The following TC2N variants were observed in gnomAD, a reference collection of about 807,000 sequenced individuals.
TC2N encodes the protein tandem C2 domains nuclear protein.
TC2N carries 51 observed loss-of-function variants against 61.9 expected under a neutral mutation model. The observed-to-expected ratio is 0.82, with a 90% CI of 0.66 to 1.04. The LOEUF is 1.04. TC2N is among the 50% of genes least tolerant of loss of function. The pLI, the probability that TC2N is intolerant of heterozygous loss-of-function variation, is 0.00. For synonymous variants in TC2N, 204 were observed against 192.6 expected, an observed-to-expected ratio of 1.06 and a Z score of -0.49; for missense variants, 556 against 566.7, an observed-to-expected ratio of 0.98 and a Z score of 0.19.
rs1470361634 is a variant in TC2N at position 91,806,945 on chromosome 14, G to A, written c.302-4524C>T. 3.9e-5 allele frequency among the ~76,000 whole-genome samples: 6 copies of A among 152,344 alleles called. No homozygotes were observed. The East Asian group carries it at 1.2e-3, about 29-fold the overall frequency. On this transcript the variant is annotated intron_variant, in intron 3 of 11. Transcript: ENST00000435962. Reference sequence around the variant, plus strand: ...CATGGGCCAGGCCCAGGGCCCCCCTGTTGTGTGCAGCCTAGGGACTTGGTG... The same window carrying A: ...CATGGGCCAGGCCCAGGGCCCCCCTATTGTGTGCAGCCTAGGGACTTGGTG...
chr14:91,851,996 A>G (rs977625158), intron 1 of TC2N, among the ~76,000 whole-genome samples: 15 of 152,266 alleles, frequency 9.9e-5, no homozygotes, highest in African/African-American at 3.6e-4. Flanking sequence ...AGATGGCCTT[A>G]GTTTTCAAGT....
chr14:91,851,439 T>C (rs1288195559), intron 1 of TC2N, among the ~76,000 whole-genome samples: 2 of 152,162 alleles, frequency 1.3e-5, no homozygotes, highest in Non-Finnish European at 2.9e-5. Flanking sequence ...CTCTGTGTGG[T>C]CTAAATAGAG....
At chr14:91,798,909 A>C (rs1886060455) in intron 6 of TC2N, 80 bp downstream of exon 6, 9 of 885,670 alleles carry the variant, frequency 1.0e-5, no homozygotes, top group Non-Finnish European at 1.6e-5. Context: ...AGAGTTTTTC[A>C]CCTTATATAC....
chr14:91,791,171 G>A (rs1350649221), intron 9 of TC2N, among the ~76,000 whole-genome samples: 5 of 61,618 alleles, frequency 8.1e-5, no homozygotes, highest in South Asian at 1.5e-3. Flanking sequence ...GGGAAGGGAA[G>A]GGAAAGGAGG....
At chr14:91,808,450 A>T (rs145839950) in intron 3 of TC2N, among the ~76,000 whole-genome samples, 1 of 152,198 alleles carries the variant, frequency 6.6e-6, no homozygotes, top group Non-Finnish European at 1.5e-5. Context: ...CTGTGCTTGC[A>T]ACACAATTTT....
chr14:91,818,525 T>C (rs1887104801), intron 1 of TC2N, among the ~76,000 whole-genome samples: 1 of 150,654 alleles, frequency 6.6e-6, no homozygotes, highest in Non-Finnish European at 1.5e-5. Flanking sequence ...AAGTACCAGG[T>C]ATACAAGGAA....
intron 3 of TC2N, among the ~76,000 whole-genome samples, chr14:91,810,682 GA>G (rs1173557983): frequency 6.6e-6 from 1 of 151,894 alleles, no homozygotes; most frequent in Non-Finnish European, 1.5e-5. Context: ...GTAAAAATAA[GA>G]AATTGCAGTA....
At chr14:91,825,376 A>G (rs1393449017) in intron 1 of TC2N, among the ~76,000 whole-genome samples, 1 of 151,998 alleles carries the variant, frequency 6.6e-6, no homozygotes, top group Non-Finnish European at 1.5e-5. Context: ...CAATTTGACT[A>G]TTTTGATTCA....
chr14:91,867,439 G>A lies in TC2N; in HGVS notation c.-234C>T, dbSNP rs541433491. 1 of 152,314 alleles carries A rather than the reference G, an allele frequency of 6.6e-6. No individual in the cohort carries two copies. Among genetic ancestry groups the A allele is most frequent in the East Asian group, 1.9e-4 (1 of 5,178 alleles). 9.4% of individuals were successfully genotyped at this position (152,314 alleles called of 1,614,324 possible). A position where few individuals can be genotyped will look rare whatever the true frequency, so the allele number is the denominator to read the frequency against. Reference sequence around the variant, plus strand: ...TGCTTTTCGGAGCCGAGCTGAGTGAGTCCCAAGGGAATCACCCTCTGTTTT... The same window carrying A: ...TGCTTTTCGGAGCCGAGCTGAGTGAATCCCAAGGGAATCACCCTCTGTTTT... On this transcript the variant is annotated 5_prime_UTR_variant, in exon 1 of 12. Coordinates refer to ENST00000435962, the MANE Select transcript of TC2N (RefSeq NM_001128596.3).
intron 1 of TC2N, among the ~76,000 whole-genome samples, chr14:91,822,899 T>C (rs1219581301): frequency 6.6e-6 from 1 of 151,618 alleles, no homozygotes; most frequent in East Asian, 2.0e-4. Flanking sequence ...TATTTTTTAG[T>C]AGAGACGGGG....
At chr14:91,809,350 G>A (rs887147441) in intron 3 of TC2N, among the ~76,000 whole-genome samples, 2 of 152,132 alleles carry the variant, frequency 1.3e-5, no homozygotes, top group Non-Finnish European at 2.9e-5. Context: ...GGAGGCTGCA[G>A]TAAGCCAAAA....
At chr14:91,863,798 C>G (rs917535758) in intron 1 of TC2N, among the ~76,000 whole-genome samples, 1 of 74,830 alleles carries the variant, frequency 1.3e-5, no homozygotes, top group Non-Finnish European at 2.5e-5. Flanking sequence ...TCAGCCTGGG[C>G]AAAAAAGCGA....
intron 3 of TC2N, among the ~76,000 whole-genome samples, chr14:91,803,300 A>G (rs919696237): frequency 2.0e-5 from 3 of 151,926 alleles, no homozygotes; most frequent in Non-Finnish European, 4.4e-5. Context: ...GTTAACTGAT[A>G]AGAAAGTTTT....
At chr14:91,816,820 A>C (rs1402572882) in intron 1 of TC2N, among the ~76,000 whole-genome samples, 1 of 151,786 alleles carries the variant, frequency 6.6e-6, no homozygotes, top group Non-Finnish European at 1.5e-5. Flanking sequence ...GTACACATTA[A>C]ATTTCCATAT....
Position 91,782,926 on chromosome 14 carries a change from T to C in TC2N, c.*174A>G, listed in dbSNP as rs1224293058. The C allele has an allele frequency of 4.0e-6, 2 of 504,198 alleles. No individual in the cohort carries two copies. The highest frequency in any genetic ancestry group is 3.5e-6 in the Non-Finnish European group (1 of 286,108). 31.2% of individuals were successfully genotyped at this position (504,198 alleles called of 1,614,324 possible). A position where few individuals can be genotyped will look rare whatever the true frequency, so the allele number is the denominator to read the frequency against. On this transcript the variant is annotated 3_prime_UTR_variant, in exon 12 of 12. Transcript: ENST00000435962. ...CATTTCCTTTACTTTGGATATCTGA[T>C]AAAATTCATTACATTTTCTTATCAA...
intron 3 of TC2N, among the ~76,000 whole-genome samples, chr14:91,805,580 G>A (rs532612287): frequency 8.4e-4 from 128 of 152,108 alleles, no homozygotes; most frequent in South Asian, 2.9e-3. Flanking sequence ...CAGGAGAATC[G>A]CTTGAACCTG....
intron 9 of TC2N, among the ~76,000 whole-genome samples, chr14:91,790,801 T>C (rs2139827828): frequency 6.6e-6 from 1 of 152,178 alleles, no homozygotes; most frequent in East Asian, 1.9e-4. Flanking sequence ...ACTCCTGTCA[T>C]AGTTACAGAA....
At chr14:91,841,257 C>T (rs931970808) in intron 1 of TC2N, among the ~76,000 whole-genome samples, 1 of 152,202 alleles carries the variant, frequency 6.6e-6, no homozygotes, top group Non-Finnish European at 1.5e-5. Context: ...AGCAGAGAAA[C>T]ATCTAAACCC....
At chr14:91,850,375 A>T (rs947265177) in intron 1 of TC2N, among the ~76,000 whole-genome samples, 1 of 152,328 alleles carries the variant, frequency 6.6e-6, no homozygotes, top group East Asian at 1.9e-4. Context: ...ACAAAAGCAT[A>T]CACTATAAAG....
Sources: gnomAD v4.1 joint callset for allele counts (sites outside exome capture counted in the v4.1 genomes callset) on GRCh38, gnomAD v4.1.1 for gene constraint, MANE v1.5 for transcripts, NCBI Gene and HGNC (gene_info 2026-07-23, HGNC 2026-07-21) for gene names.